Variants in PDS5B observed in about 807,000 individuals in gnomAD.
PDS5B encodes sister chromatid cohesion protein PDS5 homolog B.
Under a neutral mutation model 184.1 loss-of-function variants are expected in PDS5B, and 51 were observed. The ratio of observed to expected loss-of-function variants is 0.28; its 90% confidence interval spans 0.22 to 0.35. The LOEUF (loss-of-function observed/expected upper bound fraction) is 0.35, where lower values mean the gene tolerates loss of function less well. Among genes scored for constraint, PDS5B ranks in the 10% least tolerant of loss-of-function variants. The pLI, the probability that PDS5B is intolerant of heterozygous loss-of-function variation, is 1.00. For missense variants in PDS5B, 1,180 were observed against 1,723.3 expected (o/e 0.68, Z 5.58); for synonymous variants, 566 against 569.2 (o/e 0.99, Z 0.08).
intron 23 of PDS5B, 85 bp downstream of exon 23, chr13:32,742,812 CTT>C: frequency 1.8e-6 from 2 of 1,108,166 alleles, no homozygotes; most frequent in East Asian, 2.7e-5. Flanking sequence ...GTTTCTTTTT[CTT>C]TTTTTTTTAA....
intron 14 of PDS5B, among the ~76,000 whole-genome samples, chr13:32,694,512 C>G (rs1168031227): frequency 6.6e-6 from 1 of 151,734 alleles, no homozygotes; most frequent in Non-Finnish European, 1.5e-5. Flanking sequence ...AGGTAATACC[C>G]AACATTACAG....
intron 1 of PDS5B, among the ~76,000 whole-genome samples, chr13:32,588,998 G>A (rs903496194): frequency 3.3e-5 from 5 of 152,198 alleles, no homozygotes; most frequent in African/African-American, 1.2e-4. Context: ...TTTAGAGACT[G>A]CCTTAGAACT....
chr13:32,615,367 T>A (rs1366985741), intron 1 of PDS5B, among the ~76,000 whole-genome samples: 2 of 152,178 alleles, frequency 1.3e-5, no homozygotes, highest in Non-Finnish European at 2.9e-5. Context: ...AATTATATTA[T>A]CCAAAGCTGA....
intron 24 of PDS5B, among the ~76,000 whole-genome samples, chr13:32,751,575 C>T (rs1953982191): frequency 6.6e-6 from 1 of 152,030 alleles, no homozygotes; most frequent in African/African-American, 2.4e-5. Flanking sequence ...GATGGTATCT[C>T]GTGGTTTTGA....
At chr13:32,726,962 C>T (rs950883549) in intron 19 of PDS5B, among the ~76,000 whole-genome samples, 1 of 151,854 alleles carries the variant, frequency 6.6e-6, no homozygotes, top group Non-Finnish European at 1.5e-5. Context: ...TCCTAGTTGT[C>T]TTTCTGTTGT....
chr13:32,669,427 G>GA (rs1384119824), intron 7 of PDS5B, among the ~76,000 whole-genome samples: 1 of 151,728 alleles, frequency 6.6e-6, no homozygotes, highest in Non-Finnish European at 1.5e-5. Context: ...GCAATTAAAG[G>GA]AAAAAACCCA....
intron 1 of PDS5B, among the ~76,000 whole-genome samples, chr13:32,610,774 C>T (rs1020027284): frequency 6.6e-6 from 1 of 152,134 alleles, no homozygotes; most frequent in Non-Finnish European, 1.5e-5. Context: ...TTATGCCTCA[C>T]TCTCTAGGAA....
rs763517620 is a variant in PDS5B, at chr13:32,759,680, C to G, written c.3362C>G (p.Thr1121Ser). The G allele has an allele frequency of 6.4e-7, 1 of 1,550,904 alleles. No homozygotes were observed. Among genetic ancestry groups the G allele is most frequent in the Non-Finnish European group, 8.8e-7 (1 of 1,132,538 alleles). Residue 1121 changes from threonine (T) to serine (S), a missense_variant, in exon 29 of 35, where the codon ACT (threonine) becomes AGT (serine). Physicochemically the swap from Thr to Ser is moderately conservative, Grantham distance 58 (BLOSUM62 1). Coordinates refer to ENST00000315596, the MANE Select transcript of PDS5B (RefSeq NM_015032.4). ...YLPPEMKSFFTPGKPKTTNVL... is the reference protein window; with the variant it reads ...YLPPEMKSFFSPGKPKTTNVL... ...CCTCCTGAAATGAAATCATTTTTCACTCCTGGAAAAGTATGTTTTGAGAAT... is the reference window on the plus strand; with the variant it reads ...CCTCCTGAAATGAAATCATTTTTCAGTCCTGGAAAAGTATGTTTTGAGAAT...
intron 1 of PDS5B, among the ~76,000 whole-genome samples, chr13:32,615,331 A>C (rs1054905501): frequency 2.6e-5 from 4 of 152,304 alleles, no homozygotes; most frequent in African/African-American, 9.6e-5. Flanking sequence ...TCAGTTACTC[A>C]TCAGATAGTT....
intron 1 of PDS5B, among the ~76,000 whole-genome samples, chr13:32,595,831 C>A (rs2057856915): frequency 6.6e-6 from 1 of 152,184 alleles, no homozygotes; most frequent in Non-Finnish European, 1.5e-5. Flanking sequence ...GGCAGCCACA[C>A]ACAGTGGCTT....
At chr13:32,630,846 G>A (rs924741800) in intron 1 of PDS5B, among the ~76,000 whole-genome samples, 6 of 149,786 alleles carry the variant, frequency 4.0e-5, no homozygotes, top group African/African-American at 9.8e-5. Flanking sequence ...GTGCAGTGGC[G>A]CCATCTCGGC....
At chr13:32,603,477 C>T (rs2058010193) in intron 1 of PDS5B, among the ~76,000 whole-genome samples, 1 of 152,174 alleles carries the variant, frequency 6.6e-6, no homozygotes, top group Admixed American at 6.5e-5. Context: ...GTACCAGTAC[C>T]ATGCTGGTTT....
chr13:32,756,070 G>T, intron 26 of PDS5B, 114 bp downstream of exon 26: 2 of 575,014 alleles, frequency 3.5e-6, no homozygotes, highest in South Asian at 2.5e-5. Context: ...TTTCTTAGGT[G>T]TTTAAGGTTC....
At chr13:32,765,507 C>G (rs952762426) in intron 31 of PDS5B, among the ~76,000 whole-genome samples, 1 of 152,252 alleles carries the variant, frequency 6.6e-6, no homozygotes, top group Non-Finnish European at 1.5e-5. Context: ...ACGAGTCCAG[C>G]ATTACACATG....
chr13:32,590,485 C>G (rs547951665), intron 1 of PDS5B, among the ~76,000 whole-genome samples: 1 of 152,130 alleles, frequency 6.6e-6, no homozygotes, highest in African/African-American at 2.4e-5. Context: ...AAGGAGCAGG[C>G]CCTCCTTCCT....
rs925312131 is a variant in PDS5B, at chr13:32,665,461, C to T, written c.625-2303C>T. Among the ~76,000 whole-genome samples, 14 of 151,120 alleles carry T rather than the reference C, an allele frequency of 9.3e-5. No homozygotes were observed. In the East Asian group the frequency reaches 1.9e-3, roughly 21 times the overall value. ...AAAATTAGCTGGGCGTGGTGGCGGG[C>T]GCCTGTAGTCCCAGCTACTTTGGAG... On this transcript the variant is annotated intron_variant, in intron 6 of 34. Coordinates refer to ENST00000315596, the MANE Select transcript of PDS5B (RefSeq NM_015032.4).
At chr13:32,658,404 A>G (rs1190065272) in intron 4 of PDS5B, 30 bp from the exon 5 acceptor site, 3 of 1,456,076 alleles carry the variant, frequency 2.1e-6, no homozygotes, top group Non-Finnish European at 2.8e-6. Flanking sequence ...CAAAATGCTT[A>G]ACTTTCACTT....
intron 7 of PDS5B, among the ~76,000 whole-genome samples, chr13:32,670,916 G>A (rs1397295801): frequency 6.6e-6 from 1 of 152,112 alleles, no homozygotes; most frequent in Non-Finnish European, 1.5e-5. Flanking sequence ...TAAATGTAAG[G>A]TAGAATTTAT....
chr13:32,749,488 T>G (rs932545816), intron 24 of PDS5B, among the ~76,000 whole-genome samples: 1 of 127,486 alleles, frequency 7.8e-6, no homozygotes, highest in Non-Finnish European at 1.9e-5. Flanking sequence ...AATATGAATT[T>G]TAACATAATT....
Sources: gnomAD v4.1 joint callset for allele counts (sites outside exome capture counted in the v4.1 genomes callset) on GRCh38, gnomAD v4.1.1 for gene constraint, MANE v1.5 for transcripts, NCBI Gene and HGNC (gene_info 2026-07-23, HGNC 2026-07-21) for gene names.